Variants in STYK1 observed in about 807,000 individuals in gnomAD.
STYK1 encodes the protein tyrosine-protein kinase STYK1.
In STYK1, 46 loss-of-function variants were observed where a neutral mutation model predicts 48.1. The ratio of observed to expected loss-of-function variants is 0.96; its 90% CI spans 0.75 to 1.22. The LOEUF is 1.22. Ranked by LOEUF, STYK1 falls within the 50% of genes most tolerant of loss-of-function variation. The pLI, the probability that STYK1 is intolerant of heterozygous loss-of-function variation, is 0.00. For missense variants in STYK1, 527 were observed against 521.1 expected, an observed-to-expected ratio of 1.01 and a Z score of -0.11; for synonymous variants, 188 against 189.0, an observed-to-expected ratio of 0.99 and a Z score of 0.04.
chr12:10,643,225 T>C (rs944556484), intron 1 of STYK1, among the ~76,000 whole-genome samples: 7 of 152,190 alleles, frequency 4.6e-5, no homozygotes, highest in African/African-American at 1.4e-4. Context: ...CTAAGTGAGA[T>C]TGAAATTTTA....
At chr12:10,659,454 T>C (rs993356538) in intron 1 of STYK1, among the ~76,000 whole-genome samples, 1 of 152,178 alleles carries the variant, frequency 6.6e-6, no homozygotes, top group Non-Finnish European at 1.5e-5. Flanking sequence ...GTGCTTTCCT[T>C]TGAGGAATCA....
chr12:10,661,142 T>G (rs1019514705), intron 1 of STYK1, among the ~76,000 whole-genome samples: 2 of 152,154 alleles, frequency 1.3e-5, no homozygotes, highest in Non-Finnish European at 2.9e-5. Context: ...AAAAAAGTAA[T>G]CTTCAAATCA....
intron 1 of STYK1, among the ~76,000 whole-genome samples, chr12:10,662,040 T>G (rs1382929480): frequency 6.6e-6 from 1 of 152,140 alleles, no homozygotes; most frequent in Non-Finnish European, 1.5e-5. Context: ...CCCTAGCCCC[T>G]GGCAATCATG....
At chr12:10,646,638 A>G (rs1451814375) in intron 1 of STYK1, among the ~76,000 whole-genome samples, 1 of 152,252 alleles carries the variant, frequency 6.6e-6, no homozygotes, top group East Asian at 1.9e-4. Context: ...TTGCATAAGT[A>G]ACAAGGAGCC....
intron 1 of STYK1, among the ~76,000 whole-genome samples, 176 bp from the exon 2 acceptor site, chr12:10,637,372 C>G (rs1330776185): frequency 6.9e-6 from 1 of 144,166 alleles, no homozygotes; most frequent in Non-Finnish European, 1.5e-5. Context: ...GGGTCTCACT[C>G]TGTCGCCCAG....
chr12:10,649,859 T>C (rs999118777), intron 1 of STYK1, among the ~76,000 whole-genome samples: 2 of 152,088 alleles, frequency 1.3e-5, no homozygotes, highest in African/African-American at 2.4e-5. Flanking sequence ...ACGCCGGTAA[T>C]CCCAGCACTT....
intron 1 of STYK1, among the ~76,000 whole-genome samples, chr12:10,654,509 C>T (rs1439745641): frequency 1.3e-5 from 2 of 152,080 alleles, no homozygotes; most frequent in African/African-American, 4.8e-5. Flanking sequence ...CCTATGGACC[C>T]AAAGGAAATA....
At chr12:10,636,636 T>A (rs1343516034) in intron 2 of STYK1, among the ~76,000 whole-genome samples, 2 of 152,206 alleles carry the variant, frequency 1.3e-5, no homozygotes, top group African/African-American at 4.8e-5. Flanking sequence ...CACGGTGAAT[T>A]CAGGAAGGCT....
chr12:10,634,148 G>A (rs753168216), intron 3 of STYK1, 24 bp from the exon 4 acceptor site: 19 of 1,479,224 alleles, frequency 1.3e-5, no homozygotes, highest in Non-Finnish European at 1.7e-5. Context: ...CACACAGGAA[G>A]AGAAGAGAAT....
intron 4 of STYK1, among the ~76,000 whole-genome samples, chr12:10,633,260 G>A (rs2120654060): frequency 6.6e-6 from 1 of 152,292 alleles, no homozygotes; most frequent in African/African-American, 2.4e-5. Flanking sequence ...TGGCGAAGTG[G>A]TAGAGATGAA....
chr12:10,666,181 C>T (rs1248956596), intron 1 of STYK1, among the ~76,000 whole-genome samples: 1 of 152,120 alleles, frequency 6.6e-6, no homozygotes, highest in Non-Finnish European at 1.5e-5. Flanking sequence ...CTAAGTGAAG[C>T]CAGCCTGATC....
chr12:10,639,738 A>T (rs1464240305), intron 1 of STYK1, among the ~76,000 whole-genome samples: 2 of 152,190 alleles, frequency 1.3e-5, no homozygotes, highest in Non-Finnish European at 2.9e-5. Flanking sequence ...TTAAAAAAAA[A>T]TGGCAGAGCA....
chr12:10,649,917 C>A (rs1947641961), intron 1 of STYK1, among the ~76,000 whole-genome samples: 1 of 151,844 alleles, frequency 6.6e-6, no homozygotes, highest in Non-Finnish European at 1.5e-5. Context: ...TCGAGACCAT[C>A]CTGGCTAACA....
At chr12:10,622,935 T>C (rs1000421873) in intron 8 of STYK1, among the ~76,000 whole-genome samples, 1 of 152,280 alleles carries the variant, frequency 6.6e-6, no homozygotes, top group Admixed American at 6.5e-5. Context: ...TGTTTGTTAT[T>C]ATTTGCAAAT....
At chr12:10,648,080 T>C (rs550628872) in intron 1 of STYK1, among the ~76,000 whole-genome samples, 1 of 152,308 alleles carries the variant, frequency 6.6e-6, no homozygotes, top group East Asian at 1.9e-4. Flanking sequence ...ACTTCAGATA[T>C]CAGCTTCAAT....
At chr12:10,628,610 T>C (rs1947386583) in intron 6 of STYK1, among the ~76,000 whole-genome samples, 1 of 152,150 alleles carries the variant, frequency 6.6e-6, no homozygotes, top group South Asian at 2.1e-4. Flanking sequence ...TGTACAATAA[T>C]CAGCATATGA....
At chr12:10,630,385 C>CAAAAAAAAAAAA (rs35704937) in intron 5 of STYK1, among the ~76,000 whole-genome samples, 1 of 48,598 alleles carries the variant, frequency 2.1e-5, no homozygotes, top group Non-Finnish European at 3.7e-5. Flanking sequence ...CACTCTGTCT[C>CAAAAAAAAAAAA]AAAAAAAAAA....
intron 1 of STYK1, among the ~76,000 whole-genome samples, chr12:10,662,694 T>G (rs1304887452): frequency 1.3e-5 from 2 of 151,914 alleles, no homozygotes; most frequent in African/African-American, 4.8e-5. Context: ...CCTTTACCAT[T>G]TTTTTTTGAT....
At chr12:10,624,951 C>T in intron 7 of STYK1, 92 bp from the exon 8 acceptor site, 1 of 1,123,772 alleles carries the variant, frequency 8.9e-7, no homozygotes. Flanking sequence ...TTCAAAAACA[C>T]AAGGACATTT....
Sources: allele counts gnomAD v4.1 joint callset (sites outside exome capture counted in the v4.1 genomes callset), GRCh38; gene constraint gnomAD v4.1.1; transcripts MANE v1.5; gene names NCBI Gene and HGNC (gene_info 2026-07-23, HGNC 2026-07-21).